The following INPP4B variants were observed in gnomAD, a reference collection of about 807,000 sequenced individuals.
INPP4B encodes the protein inositol polyphosphate-4-phosphatase type II B.
In INPP4B, 55 loss-of-function variants were observed where a neutral mutation model predicts 122.5. The ratio of observed to expected loss-of-function variants is 0.45; its 90% CI spans 0.36 to 0.56. The LOEUF is 0.56. Ranked by LOEUF, INPP4B falls within the 20% of genes least tolerant of loss-of-function variation. INPP4B has a pLI of 0.00. For synonymous variants in INPP4B, 403 were observed against 388.7 expected, an observed-to-expected ratio of 1.04 and a Z score of -0.43; for missense variants, 1,000 against 1,097.7, an observed-to-expected ratio of 0.91 and a Z score of 1.26.
At chr4:142,139,722 T>G (rs1286641681) in intron 18 of INPP4B, among the ~76,000 whole-genome samples, 1 of 152,202 alleles carries the variant, frequency 6.6e-6, no homozygotes, top group African/African-American at 2.4e-5. Context: ...ATTTGAAGGT[T>G]GGGGTGCACT....
At chr4:142,844,473 T>G (rs1195821930) in intron 1 of INPP4B, among the ~76,000 whole-genome samples, 1 of 152,264 alleles carries the variant, frequency 6.6e-6, no homozygotes, top group East Asian at 1.9e-4. Context: ...CAATCCATTT[T>G]GCAATAGCAT....
At chr4:142,574,170 T>C (rs538983009) in intron 2 of INPP4B, among the ~76,000 whole-genome samples, 1 of 152,098 alleles carries the variant, frequency 6.6e-6, no homozygotes, top group East Asian at 1.9e-4. Flanking sequence ...TCCAACATTA[T>C]ATCCAGCTGT....
intron 7 of INPP4B, among the ~76,000 whole-genome samples, chr4:142,356,154 G>A (rs186924869): frequency 6.6e-6 from 1 of 150,860 alleles, no homozygotes; most frequent in African/African-American, 2.4e-5. Flanking sequence ...AAAAGAGAAA[G>A]ATTATATTAG....
intron 3 of INPP4B, among the ~76,000 whole-genome samples, chr4:142,445,634 TA>T (rs1812750407): frequency 6.6e-6 from 1 of 151,458 alleles, no homozygotes; most frequent in Non-Finnish European, 1.5e-5. Flanking sequence ...ATTGTCAGAG[TA>T]AACAGAAAAT....
chr4:142,560,216 T>C (rs1412670677), intron 2 of INPP4B, among the ~76,000 whole-genome samples: 1 of 152,234 alleles, frequency 6.6e-6, no homozygotes, highest in Admixed American at 6.5e-5. Flanking sequence ...GCCTCAGCCA[T>C]GTGCCTCTCC....
At chr4:142,656,372 T>C (rs1477068301) in intron 2 of INPP4B, among the ~76,000 whole-genome samples, 1 of 152,094 alleles carries the variant, frequency 6.6e-6, no homozygotes, top group Non-Finnish European at 1.5e-5. Context: ...GCTCGAGAAG[T>C]GGTGAATGAA....
intron 25 of INPP4B, among the ~76,000 whole-genome samples, chr4:142,071,424 G>C (rs572680150): frequency 6.6e-6 from 1 of 152,200 alleles, no homozygotes; most frequent in Non-Finnish European, 1.5e-5. Flanking sequence ...ACATAGGCAT[G>C]GGCAAGGACT....
At chr4:142,374,946 C>G (rs900851987) in intron 7 of INPP4B, among the ~76,000 whole-genome samples, 2 of 151,670 alleles carry the variant, frequency 1.3e-5, no homozygotes, top group Non-Finnish European at 3.0e-5. Flanking sequence ...GAACAATTAC[C>G]AAGAGATCTC....
chr4:142,295,096 G>T (rs1429094276), intron 9 of INPP4B, among the ~76,000 whole-genome samples: 1 of 152,100 alleles, frequency 6.6e-6, no homozygotes. Context: ...AAGGGTCTTA[G>T]TTTAACCTGA....
At chr4:142,768,335 C>A (rs1343488956) in intron 1 of INPP4B, among the ~76,000 whole-genome samples, 1 of 152,150 alleles carries the variant, frequency 6.6e-6, no homozygotes. Context: ...AGCAAAGAAG[C>A]ATTTGTCAGT....
intron 3 of INPP4B, 65 bp from the exon 4 acceptor site, chr4:142,431,450 GGTAA>G: frequency 1.7e-6 from 1 of 573,786 alleles, no homozygotes; most frequent in Non-Finnish European, 3.1e-6. Context: ...AAAAAGTAAA[GGTAA>G]GTAGAGACTG....
At chr4:142,284,799 T>G (rs886360703) in intron 9 of INPP4B, among the ~76,000 whole-genome samples, 4 of 152,058 alleles carry the variant, frequency 2.6e-5, no homozygotes, top group African/African-American at 4.8e-5. Flanking sequence ...GAAGTCAAGT[T>G]TCCCCAGCCT....
intron 2 of INPP4B, among the ~76,000 whole-genome samples, chr4:142,707,565 C>T (rs1251463257): frequency 1.3e-5 from 2 of 152,158 alleles, no homozygotes; most frequent in Non-Finnish European, 2.9e-5. Flanking sequence ...TGTAGCACCT[C>T]CCCCTTCACC....
intron 2 of INPP4B, among the ~76,000 whole-genome samples, chr4:142,575,904 G>A (rs548599568): frequency 6.6e-6 from 1 of 151,978 alleles, no homozygotes; most frequent in East Asian, 1.9e-4. Context: ...AGTAACTCAA[G>A]GTTCTGTGTG....
At chr4:142,406,912 T>TG (rs1309176033) in intron 5 of INPP4B, among the ~76,000 whole-genome samples, 24 of 152,298 alleles carry the variant, frequency 1.6e-4, no homozygotes, top group African/African-American at 5.5e-4. Flanking sequence ...TCTGGTAGCT[T>TG]ACATCCTACC....
intron 2 of INPP4B, among the ~76,000 whole-genome samples, chr4:142,466,431 A>T (rs945316220): frequency 6.6e-6 from 1 of 152,218 alleles, no homozygotes; most frequent in African/African-American, 2.4e-5. Context: ...GAAATTTCTA[A>T]GCAGCAAAGC....
chr4:142,398,985 T>C (rs1800677563), intron 7 of INPP4B, among the ~76,000 whole-genome samples: 2 of 151,860 alleles, frequency 1.3e-5, no homozygotes, highest in African/African-American at 2.4e-5. Context: ...CAAAATAGAG[T>C]AGAAATTCAA....
rs538053942 is a variant in INPP4B at position 142,697,901 on chromosome 4, T to C, written c.-191+27938A>G. 3.3e-5 allele frequency among the ~76,000 whole-genome samples: 5 copies of C among 152,294 alleles called. No homozygotes were observed. In the South Asian group the frequency reaches 1.0e-3, roughly 32 times the overall value. Reference sequence around the variant, plus strand: ...TAAATAACAATAATAATAAAATCCTTATCAGATAAACTCAGAGTTTTAAAG... The same window carrying C: ...TAAATAACAATAATAATAAAATCCTCATCAGATAAACTCAGAGTTTTAAAG... On this transcript the variant is annotated intron_variant, in intron 2 of 25. Transcript: ENST00000262992.
At chr4:142,723,206 G>T (rs1309392646) in intron 2 of INPP4B, among the ~76,000 whole-genome samples, 1 of 152,008 alleles carries the variant, frequency 6.6e-6, no homozygotes, top group Non-Finnish European at 1.5e-5. Context: ...TAAAAGAATT[G>T]CTGAATTCTT....
Sources: allele counts gnomAD v4.1 joint callset (sites outside exome capture counted in the v4.1 genomes callset), GRCh38; gene constraint gnomAD v4.1.1; transcripts MANE v1.5; gene names NCBI Gene and HGNC (gene_info 2026-07-23, HGNC 2026-07-21).